Variants in PRDM5 observed in about 807,000 individuals in gnomAD.
The protein encoded by PRDM5 is PR/SET domain 5, also known as PR domain zinc finger protein 5.
PRDM5 carries 56 observed loss-of-function variants against 81.2 expected under a neutral mutation model. The ratio of observed to expected loss-of-function variants is 0.69; its 90% CI spans 0.56 to 0.86. PRDM5 has a LOEUF of 0.86. PRDM5 is among the 40% of genes least tolerant of loss of function. PRDM5 has a pLI of 0.00. For missense variants in PRDM5, 697 were observed against 770.1 expected, an observed-to-expected ratio of 0.91 and a Z score of 1.12; for synonymous variants, 267 against 256.4, an observed-to-expected ratio of 1.04 and a Z score of -0.39.
At chr4:120,734,009 A>G (rs532376201) in intron 14 of PRDM5, among the ~76,000 whole-genome samples, 27 of 152,194 alleles carry the variant, frequency 1.8e-4, no homozygotes, top group South Asian at 1.5e-3. Context: ...CAGGAGAGGG[A>G]CTGCTTTATT....
chr4:120,915,501 T>C (rs1391092795), intron 1 of PRDM5, among the ~76,000 whole-genome samples: 2 of 152,170 alleles, frequency 1.3e-5, no homozygotes, highest in Admixed American at 6.5e-5. Context: ...GATGCTGTCA[T>C]GCAAGAGCGG....
At chr4:120,719,903 A>G (rs1226369721) in intron 14 of PRDM5, among the ~76,000 whole-genome samples, 1 of 152,104 alleles carries the variant, frequency 6.6e-6, no homozygotes, top group Non-Finnish European at 1.5e-5. Flanking sequence ...GTCTTTCTCT[A>G]TCTAGGGGAA....
At chr4:120,804,843 C>T (rs1233433258) in intron 8 of PRDM5, among the ~76,000 whole-genome samples, 1 of 152,138 alleles carries the variant, frequency 6.6e-6, no homozygotes, top group Non-Finnish European at 1.5e-5. Flanking sequence ...CAAGAAATAA[C>T]TAAGACCAGA....
intron 8 of PRDM5, among the ~76,000 whole-genome samples, chr4:120,806,418 T>C (rs999412310): frequency 3.9e-5 from 6 of 152,200 alleles, no homozygotes; most frequent in Non-Finnish European, 4.4e-5. Context: ...AGAACAAAGC[T>C]GGAGGCATCA....
chr4:120,693,993 A>G lies in PRDM5; in HGVS notation c.*1118T>C, dbSNP rs142302608. ...CCCTTAAGCATCAGTGACAGTTTCA[A>G]TCATAACAATTGCCAAGTTTGTACT... On this transcript the variant is annotated 3_prime_UTR_variant, in exon 16 of 16. Coordinates refer to ENST00000264808, the MANE Select transcript of PRDM5 (RefSeq NM_018699.4). 4 of 152,276 alleles carry G rather than the reference A, an allele frequency of 2.6e-5. No homozygotes were observed. The highest frequency in any genetic ancestry group is 6.6e-5 in the Admixed American group (1 of 15,266). The allele number at this position is 152,276 out of a possible 1,614,324, so 9.4% of individuals were successfully genotyped here.
At chr4:120,727,638 G>C (rs1041237226) in intron 14 of PRDM5, among the ~76,000 whole-genome samples, 43 of 152,118 alleles carry the variant, frequency 2.8e-4, no homozygotes, top group African/African-American at 9.9e-4. Context: ...TTTGCATTTT[G>C]AAAGTACCAG....
intron 2 of PRDM5, among the ~76,000 whole-genome samples, chr4:120,854,976 G>A (rs933167730): frequency 3.9e-5 from 6 of 152,072 alleles, no homozygotes; most frequent in Non-Finnish European, 4.4e-5. Flanking sequence ...AGGAGCAACC[G>A]AGAAAGTGGT....
rs550449639 is a variant in PRDM5, at chr4:120,790,824, G to A, written c.1189-5733C>T. Among the ~76,000 whole-genome samples, 12 of 152,250 alleles carry A rather than the reference G, an allele frequency of 7.9e-5. No individual in the cohort carries two copies. In the South Asian group the frequency reaches 2.5e-3, roughly 32 times the overall value. On this transcript the variant is annotated intron_variant, in intron 10 of 15. Coordinates refer to ENST00000264808, the MANE Select transcript of PRDM5 (RefSeq NM_018699.4). ...TAGATAGATTTAGCCAAGCATGGTGGTGTGCACTACTCGGGAGGCTGAGGT... is the reference window on the plus strand; with the variant it reads ...TAGATAGATTTAGCCAAGCATGGTGATGTGCACTACTCGGGAGGCTGAGGT...
intron 1 of PRDM5, among the ~76,000 whole-genome samples, chr4:120,686,828 A>T (rs1467490036): frequency 6.6e-6 from 1 of 151,966 alleles, no homozygotes; most frequent in Non-Finnish European, 1.5e-5. Context: ...CAGATACAAA[A>T]ATTTATATTA....
At chr4:120,919,366 T>C (rs758615792) in intron 1 of PRDM5, among the ~76,000 whole-genome samples, 7 of 152,198 alleles carry the variant, frequency 4.6e-5, no homozygotes, top group Non-Finnish European at 8.8e-5. Context: ...CTGCCACATA[T>C]GAATGATTAA....
intron 1 of PRDM5, among the ~76,000 whole-genome samples, chr4:120,916,488 C>T (rs889132828): frequency 1.3e-5 from 2 of 152,062 alleles, no homozygotes; most frequent in East Asian, 1.9e-4. Flanking sequence ...ATTTTAATTG[C>T]TCTAAAAGAT....
At chr4:120,744,392 C>T (rs570860600) in intron 14 of PRDM5, among the ~76,000 whole-genome samples, 1 of 152,096 alleles carries the variant, frequency 6.6e-6, no homozygotes, top group Non-Finnish European at 1.5e-5. Flanking sequence ...AGAGCAAACA[C>T]ACTCAAAAGC....
chr4:120,728,446 T>C (rs1307819486), intron 14 of PRDM5, among the ~76,000 whole-genome samples: 1 of 152,254 alleles, frequency 6.6e-6, no homozygotes, highest in Non-Finnish European at 1.5e-5. Flanking sequence ...TGTGTGTATA[T>C]ATACATATAT....
intron 2 of PRDM5, among the ~76,000 whole-genome samples, chr4:120,870,540 G>A (rs951183968): frequency 2.0e-5 from 3 of 152,170 alleles, no homozygotes; most frequent in Non-Finnish European, 2.9e-5. Flanking sequence ...GAATAGCAGG[G>A]AGAGGCCCCT....
At chr4:120,874,662 G>A (rs919560694) in intron 2 of PRDM5, among the ~76,000 whole-genome samples, 1 of 152,132 alleles carries the variant, frequency 6.6e-6, no homozygotes, top group African/African-American at 2.4e-5. Context: ...ATCAAGATTA[G>A]GACAAGATTG....
chr4:120,885,130 G>A (rs1198647993), intron 2 of PRDM5, among the ~76,000 whole-genome samples: 9 of 79,240 alleles, frequency 1.1e-4, no homozygotes, highest in East Asian at 4.1e-4. Context: ...GCAAGACTCC[G>A]TATCAAAAAA....
intron 3 of PRDM5, among the ~76,000 whole-genome samples, chr4:120,851,511 T>C (rs1759275300): frequency 6.6e-6 from 1 of 151,392 alleles, no homozygotes. Context: ...GTTGGATCAA[T>C]GGCCATCATG....
chr4:120,802,750 T>C (rs536248286), intron 8 of PRDM5, among the ~76,000 whole-genome samples: 3 of 152,104 alleles, frequency 2.0e-5, no homozygotes, highest in African/African-American at 7.2e-5. Context: ...ACTACAAAGA[T>C]GGGGAAAAAA....
intron 2 of PRDM5, among the ~76,000 whole-genome samples, chr4:120,888,717 A>G (rs1014197629): frequency 6.6e-6 from 1 of 152,242 alleles, no homozygotes; most frequent in Non-Finnish European, 1.5e-5. Context: ...TAAAAAACCC[A>G]GAAGCAGTAT....
Sources: allele counts gnomAD v4.1 joint callset (sites outside exome capture counted in the v4.1 genomes callset), GRCh38; gene constraint gnomAD v4.1.1; transcripts MANE v1.5; gene names NCBI Gene and HGNC (gene_info 2026-07-23, HGNC 2026-07-21).